SLC24A2: variants seen among roughly 807,000 people sequenced by gnomAD.
SLC24A2 encodes the protein sodium/potassium/calcium exchanger 2.
Under a neutral mutation model 62.0 loss-of-function variants are expected in SLC24A2, and 36 were observed. The ratio of observed to expected loss-of-function variants is 0.58; its 90% CI spans 0.44 to 0.77. SLC24A2 has a LOEUF of 0.77. SLC24A2 is among the 30% of genes least tolerant of loss of function. The pLI, the probability that SLC24A2 is intolerant of heterozygous loss-of-function variation, is 0.00. For missense variants in SLC24A2, 846 were observed against 817.9 expected, an observed-to-expected ratio of 1.03 and a Z score of -0.42; for synonymous variants, 358 against 294.0, an observed-to-expected ratio of 1.22 and a Z score of -2.23.
At chr9:19,926,747 C>G in the SLC24A2 span, 1 of 152,364 alleles carries the variant, frequency 6.6e-6, no homozygotes, top group African/African-American at 2.4e-5. Flanking sequence ...TGGCCATTTG[C>G]TGTATGCACC....
chr9:20,009,383 CA>C, the SLC24A2 span, among the ~76,000 whole-genome samples: 5,150 of 111,200 alleles, frequency 0.046, 159 homozygotes, highest in African/African-American at 0.15. Flanking sequence ...AACTCTGTCT[CA>C]AAAAAAAAAA....
At chr9:20,098,068 G>C in the SLC24A2 span, among the ~76,000 whole-genome samples, 2 of 152,044 alleles carry the variant, frequency 1.3e-5, no homozygotes, top group Non-Finnish European at 2.9e-5. Context: ...TAAGAAGATG[G>C]TACCAGGTAT....
At chr9:19,559,669 C>G (rs536500725) in intron 7 of SLC24A2, among the ~76,000 whole-genome samples, 14 of 152,218 alleles carry the variant, frequency 9.2e-5, no homozygotes, top group African/African-American at 2.4e-4. Flanking sequence ...AGGTGCCCCC[C>G]CAGAAACATT....
chr9:19,647,210 G>C (rs892461673), intron 2 of SLC24A2, among the ~76,000 whole-genome samples: 4 of 147,450 alleles, frequency 2.7e-5, no homozygotes, highest in African/African-American at 9.9e-5. Context: ...CCTTGACAAG[G>C]AGTCTCAGAC....
chr9:19,626,086 A>G (rs145411066), intron 2 of SLC24A2, among the ~76,000 whole-genome samples: 4 of 152,318 alleles, frequency 2.6e-5, no homozygotes, highest in Non-Finnish European at 4.4e-5. Flanking sequence ...TGCATAGCCC[A>G]TTTGGATAGC....
chr9:19,733,048 G>A (rs572941509), intron 2 of SLC24A2, among the ~76,000 whole-genome samples: 19 of 151,376 alleles, frequency 1.3e-4, no homozygotes, highest in East Asian at 1.2e-3. Flanking sequence ...AGTCACATAA[G>A]GATGACACAT....
the SLC24A2 span, among the ~76,000 whole-genome samples, chr9:19,845,443 G>C: frequency 6.6e-6 from 1 of 152,060 alleles, no homozygotes; most frequent in African/African-American, 2.4e-5. Flanking sequence ...TTTAGGTGTA[G>C]AATCATGTAA....
At chr9:19,947,420 A>C in the SLC24A2 span, among the ~76,000 whole-genome samples, 32 of 151,418 alleles carry the variant, frequency 2.1e-4, no homozygotes, top group Non-Finnish European at 4.7e-4. Context: ...AGGAGGAAGG[A>C]AGGAAGGAAA....
the SLC24A2 span, among the ~76,000 whole-genome samples, chr9:20,119,833 C>T: frequency 6.6e-6 from 1 of 152,156 alleles, no homozygotes; most frequent in Admixed American, 6.5e-5. Context: ...TCAGAGACAA[C>T]AAAATTGTTT....
chr9:19,553,343 T>C (rs925626256), intron 7 of SLC24A2, among the ~76,000 whole-genome samples: 20 of 152,194 alleles, frequency 1.3e-4, no homozygotes, highest in Admixed American at 1.3e-3. Context: ...TTTGACCTTG[T>C]GACAACTCAC....
At chr9:20,278,051 A>C in the SLC24A2 span, among the ~76,000 whole-genome samples, 1 of 152,078 alleles carries the variant, frequency 6.6e-6, no homozygotes, top group South Asian at 2.1e-4. Context: ...ACACTTGGAC[A>C]CAGGGTGGGG....
intron 2 of SLC24A2, among the ~76,000 whole-genome samples, chr9:19,697,529 T>G (rs978137487): frequency 6.6e-6 from 1 of 152,204 alleles, no homozygotes; most frequent in African/African-American, 2.4e-5. Context: ...ATAAAAAGTA[T>G]CTGTTCTTTT....
At chr9:20,037,163 G>T in the SLC24A2 span, among the ~76,000 whole-genome samples, 1 of 150,426 alleles carries the variant, frequency 6.6e-6, no homozygotes, top group Non-Finnish European at 1.5e-5. Context: ...CTCCCAAAGT[G>T]CTGGGATTAC....
chr9:19,665,924 G>A (rs1357399546), intron 2 of SLC24A2, among the ~76,000 whole-genome samples: 2 of 152,078 alleles, frequency 1.3e-5, no homozygotes, highest in Non-Finnish European at 2.9e-5. Context: ...CTTCCAAAGT[G>A]CTGGGATTAC....
chr9:19,838,364 A>G, the SLC24A2 span, among the ~76,000 whole-genome samples: 1 of 152,142 alleles, frequency 6.6e-6, no homozygotes, highest in African/African-American at 2.4e-5. Context: ...CTGGCTAGCC[A>G]TATGGAGAAA....
At chr9:19,554,660 C>T (rs1181525234) in intron 7 of SLC24A2, among the ~76,000 whole-genome samples, 1 of 152,208 alleles carries the variant, frequency 6.6e-6, no homozygotes, top group African/African-American at 2.4e-5. Context: ...AAGTGTCCTT[C>T]ATACAACTTC....
the SLC24A2 span, among the ~76,000 whole-genome samples, chr9:20,050,097 C>G: frequency 6.6e-6 from 1 of 151,910 alleles, no homozygotes; most frequent in Non-Finnish European, 1.5e-5. Flanking sequence ...GAACTGCTCC[C>G]CACCGCCCCA....
At chr9:19,785,852 A>T in intron 2 of SLC24A2, 85 bp downstream of exon 2, 1 of 1,570,976 alleles carries the variant, frequency 6.4e-7, no homozygotes, top group Non-Finnish European at 8.7e-7. Context: ...ACACCATCAC[A>T]TCAAAAGAAC....
intron 2 of SLC24A2, among the ~76,000 whole-genome samples, chr9:19,759,529 G>T (rs557447248): frequency 1.3e-5 from 2 of 152,324 alleles, no homozygotes; most frequent in African/African-American, 4.8e-5. Context: ...GAAAATGGCA[G>T]CATTGCAGCC....
Sources: gnomAD v4.1 joint callset for allele counts (sites outside exome capture counted in the v4.1 genomes callset) on GRCh38, gnomAD v4.1.1 for gene constraint, MANE v1.5 for transcripts, NCBI Gene and HGNC (gene_info 2026-07-23, HGNC 2026-07-21) for gene names.